The following RCBTB2 variants were observed in gnomAD, a reference collection of about 807,000 sequenced individuals.
The protein encoded by RCBTB2 is RCC1 and BTB domain-containing protein 2.
Under a neutral mutation model 65.4 loss-of-function variants are expected in RCBTB2, and 55 were observed. The ratio of observed to expected loss-of-function variants is 0.84; its 90% CI spans 0.68 to 1.05. RCBTB2 has a LOEUF of 1.05. Among genes scored for constraint, RCBTB2 ranks in the 50% least tolerant of loss-of-function variants. The pLI is 0.00. For missense variants in RCBTB2, 599 were observed against 680.1 expected (o/e 0.88, Z 1.33); for synonymous variants, 220 against 255.2 (o/e 0.86, Z 1.31).
chr13:48,524,498 T>A (rs1333418731), intron 2 of RCBTB2, among the ~76,000 whole-genome samples, 161 bp downstream of exon 2: 1 of 152,228 alleles, frequency 6.6e-6, no homozygotes, highest in Non-Finnish European at 1.5e-5. Context: ...AACCAATCAG[T>A]GTCAGAGCCA....
At chr13:48,498,662 G>A (rs565181746) in intron 13 of RCBTB2, among the ~76,000 whole-genome samples, 16 of 152,228 alleles carry the variant, frequency 1.1e-4, no homozygotes, top group African/African-American at 2.9e-4. Context: ...ACCGGGAGGC[G>A]GAGGTTGTGG....
Position 48,489,965 on chromosome 13 carries a change from A to G in RCBTB2, c.*146T>C. 1 of 848,232 alleles carries G rather than the reference A, an allele frequency of 1.2e-6. No individual in the cohort carries two copies. The highest frequency in any genetic ancestry group is 1.9e-6 in the Non-Finnish European group (1 of 522,936). The allele number at this position is 848,232 out of a possible 1,614,324, so 52.5% of individuals were successfully genotyped here. A position where few individuals can be genotyped will look rare whatever the true frequency, so the allele number is the denominator to read the frequency against. ...AAACTCTGGGTTTAGGCAGACAAAG[A>G]CCACTCACCACCATCCTTCTTCTGA... On this transcript the variant is annotated 3_prime_UTR_variant, in exon 15 of 15. Coordinates refer to ENST00000344532, the MANE Select transcript of RCBTB2 (RefSeq NM_001268.4).
intron 3 of RCBTB2, 119 bp downstream of exon 3, chr13:48,522,189 C>G: frequency 2.6e-6 from 2 of 756,068 alleles, no homozygotes; most frequent in South Asian, 3.3e-5. Context: ...AATCTTCCTG[C>G]TGAGGTCTGA....
At chr13:48,521,875 C>T in intron 4 of RCBTB2, 23 bp downstream of exon 4, 2 of 1,610,928 alleles carry the variant, frequency 1.2e-6, no homozygotes, top group South Asian at 1.1e-5. Context: ...ACACATGCTC[C>T]AAGGGCATGA....
At chr13:48,525,534 C>A (rs1566331784) in intron 1 of RCBTB2, among the ~76,000 whole-genome samples, 1 of 151,112 alleles carries the variant, frequency 6.6e-6, no homozygotes, top group South Asian at 2.1e-4. Flanking sequence ...TTCTACCCTA[C>A]TCTATCCTAT....
rs1450306401 is a variant in RCBTB2 at position 48,502,745 on chromosome 13, T to A, written c.1096A>T (p.Thr366Ser). 8 of 1,612,262 alleles carry A rather than the reference T, an allele frequency of 5.0e-6. No individual in the cohort carries two copies. The highest frequency in any genetic ancestry group is 1.1e-5 in the South Asian group (1 of 90,966). ...VFACFATPAVTWRLLSVEPDD... is the reference protein window; with the variant it reads ...VFACFATPAVSWRLLSVEPDD... ...TTACCCACGGAGAGGAGGCGCCACGTGACGGCGGGCGTGGCAAAGCAGGCA... is the reference window on the plus strand; with the variant it reads ...TTACCCACGGAGAGGAGGCGCCACGAGACGGCGGGCGTGGCAAAGCAGGCA... The change falls in exon 11 of 15, where the codon ACG becomes TCG. Residue 366 changes from threonine (T) to serine (S), a missense_variant. By Grantham distance (58) the Thr-to-Ser change is moderately conservative. Transcript: ENST00000344532.
At chr13:48,499,874 C>A (rs1467628918) in intron 12 of RCBTB2, 114 bp from the exon 13 acceptor site, 1 of 1,200,812 alleles carries the variant, frequency 8.3e-7, no homozygotes, top group Non-Finnish European at 1.2e-6. Context: ...TGCTGTGGCT[C>A]CTCACTTTCT....
intron 9 of RCBTB2, 32 bp from the exon 10 acceptor site, chr13:48,510,803 A>T: frequency 3.2e-6 from 5 of 1,577,644 alleles, no homozygotes; most frequent in Non-Finnish European, 4.3e-6. Context: ...CAGGACTGCA[A>T]ATATAAGTAA....
In RCBTB2 at chr13:48,515,669, C is replaced by T; in HGVS notation, c.115G>A (p.Glu39Lys). Residue 39 changes from glutamate to lysine, a missense_variant, in exon 5 of 15, where the codon GAA becomes AAA. By Grantham distance (56) the Glu-to-Lys change is moderately conservative (BLOSUM62 1). Coordinates refer to ENST00000344532, the MANE Select transcript of RCBTB2 (RefSeq NM_001268.4). ...TGACGAATTAACTGTAGTTCTTCTT[C>T]AGAACAAAGGGAAAAAATTGGCCAC... ...GKWPIFSLCS[E>K]EELQLIRQAC... The T allele has an allele frequency of 1.2e-6, 2 of 1,614,004 alleles. No individual in the cohort carries two copies. The highest frequency in any genetic ancestry group is 1.1e-5 in the South Asian group (1 of 91,068).
intron 12 of RCBTB2, among the ~76,000 whole-genome samples, chr13:48,500,247 G>A (rs1187929099): frequency 1.3e-5 from 2 of 152,170 alleles, no homozygotes; most frequent in East Asian, 1.9e-4. Flanking sequence ...AATCCAATAT[G>A]ACTGGCATCT....
chr13:48,503,504 C>T (rs1950342535), intron 10 of RCBTB2, among the ~76,000 whole-genome samples: 1 of 152,044 alleles, frequency 6.6e-6, no homozygotes, highest in Admixed American at 6.6e-5. Flanking sequence ...TGCCCTACTG[C>T]TCTAAGTTCA....
At chr13:48,522,096 A>T (rs1951460548) in intron 3 of RCBTB2, 134 bp from the exon 4 acceptor site, 1 of 836,078 alleles carries the variant, frequency 1.2e-6, no homozygotes, top group Non-Finnish European at 1.9e-6. Context: ...TAAAGGAATT[A>T]AGCTTTAGGC....
chr13:48,500,252 G>T (rs1483579182), intron 12 of RCBTB2, among the ~76,000 whole-genome samples: 1 of 152,172 alleles, frequency 6.6e-6, no homozygotes, highest in Non-Finnish European at 1.5e-5. Context: ...AATATGACTG[G>T]CATCTTTATA....
At chr13:48,502,407 C>G (rs74904583) in intron 11 of RCBTB2, among the ~76,000 whole-genome samples, 1 of 151,760 alleles carries the variant, frequency 6.6e-6, no homozygotes, top group African/African-American at 2.4e-5. Context: ...GCAAAAGGAT[C>G]GCTTGAACCC....
At chr13:48,531,867 G>A (rs1039132048) in intron 1 of RCBTB2, 1 of 152,210 alleles carries the variant, frequency 6.6e-6, no homozygotes, top group African/African-American at 2.4e-5. Flanking sequence ...AGTAGCCCCA[G>A]GAGTCACGAA....
intron 10 of RCBTB2, among the ~76,000 whole-genome samples, chr13:48,504,956 C>T (rs920368841): frequency 2.0e-5 from 3 of 152,112 alleles, no homozygotes; most frequent in Non-Finnish European, 2.9e-5. Context: ...CCTTGAAAAC[C>T]ACCCAAAAAT....
At chr13:48,532,745 G>C in intron 1 of RCBTB2, 1 of 300,862 alleles carries the variant, frequency 3.3e-6, no homozygotes, top group Non-Finnish European at 6.5e-6. Context: ...GCCCACGCCA[G>C]CGGAATTGCG....
chr13:48,518,819 G>A (rs1379538409), intron 4 of RCBTB2, among the ~76,000 whole-genome samples: 2 of 152,024 alleles, frequency 1.3e-5, no homozygotes, highest in African/African-American at 2.4e-5. Flanking sequence ...TTTTAGTTAA[G>A]CTTCTACTTT....
chr13:48,525,134 A>G (rs935060400), intron 1 of RCBTB2, among the ~76,000 whole-genome samples: 1 of 151,868 alleles, frequency 6.6e-6, no homozygotes, highest in Non-Finnish European at 1.5e-5. Flanking sequence ...GTATAGAAAT[A>G]TATTTATGAC....
Sources: gnomAD v4.1 joint callset for allele counts (sites outside exome capture counted in the v4.1 genomes callset) on GRCh38, gnomAD v4.1.1 for gene constraint, MANE v1.5 for transcripts, NCBI Gene and HGNC (gene_info 2026-07-23, HGNC 2026-07-21) for gene names.